FAM135B: variants seen among roughly 807,000 people sequenced by gnomAD.
The protein encoded by FAM135B is family with sequence similarity 135 member B, also known as protein FAM135B.
Under a neutral mutation model 127.7 loss-of-function variants are expected in FAM135B, and 43 were observed. The ratio of observed to expected loss-of-function variants is 0.34; its 90% CI spans 0.26 to 0.43. The LOEUF is 0.43. FAM135B is among the 20% of genes least tolerant of loss of function. The pLI, the probability that FAM135B is intolerant of heterozygous loss-of-function variation, is 1.00. For synonymous variants in FAM135B, 670 were observed against 665.1 expected, an observed-to-expected ratio of 1.01 and a Z score of -0.11; for missense variants, 1,558 against 1,725.6, an observed-to-expected ratio of 0.90 and a Z score of 1.72.
intron 2 of FAM135B, among the ~76,000 whole-genome samples, chr8:138,356,190 C>T (rs1358086637): frequency 6.6e-6 from 1 of 151,998 alleles, no homozygotes; most frequent in South Asian, 2.1e-4. Flanking sequence ...TACCCAGTTT[C>T]AGGCATTTTG....
At chr8:138,239,512 T>C (rs2130325546) in intron 7 of FAM135B, among the ~76,000 whole-genome samples, 1 of 152,342 alleles carries the variant, frequency 6.6e-6, no homozygotes, top group East Asian at 1.9e-4. Flanking sequence ...AGGTTGCCTG[T>C]TCACTCTGAT....
At chr8:138,369,722 A>G (rs908951882) in intron 1 of FAM135B, among the ~76,000 whole-genome samples, 3 of 152,130 alleles carry the variant, frequency 2.0e-5, no homozygotes, top group African/African-American at 4.8e-5. Flanking sequence ...GTCATTTCCA[A>G]TCAAAGCCGG....
intron 3 of FAM135B, among the ~76,000 whole-genome samples, chr8:138,286,458 C>T (rs1192746871): frequency 6.6e-6 from 1 of 152,230 alleles, no homozygotes; most frequent in African/African-American, 2.4e-5. Flanking sequence ...AAAGAAGTAT[C>T]GCCTCCTTTT....
At chr8:138,382,058 T>C (rs564437880) in intron 1 of FAM135B, among the ~76,000 whole-genome samples, 2 of 152,162 alleles carry the variant, frequency 1.3e-5, no homozygotes, top group African/African-American at 4.8e-5. Context: ...GGGATCCAAT[T>C]TTGTTTAGCA....
chr8:138,238,600 T>C (rs1021922245), intron 7 of FAM135B, among the ~76,000 whole-genome samples: 15 of 152,214 alleles, frequency 9.9e-5, no homozygotes, highest in Non-Finnish European at 5.9e-5. Flanking sequence ...CGTATTGCTA[T>C]GAAAGTCCAG....
At chr8:138,459,392 G>T (rs1477555738) in intron 1 of FAM135B, 1 of 152,108 alleles carries the variant, frequency 6.6e-6, no homozygotes, top group Non-Finnish European at 1.5e-5. Flanking sequence ...AGGGCTGCAG[G>T]ATCCTCAACT....
At chr8:138,421,070 G>A (rs1380286704) in intron 1 of FAM135B, among the ~76,000 whole-genome samples, 1 of 152,230 alleles carries the variant, frequency 6.6e-6, no homozygotes, top group Non-Finnish European at 1.5e-5. Context: ...CCAGCACTTT[G>A]GGAGGCAGAG....
At chr8:138,454,653 C>T (rs1422192863) in intron 1 of FAM135B, among the ~76,000 whole-genome samples, 3 of 152,172 alleles carry the variant, frequency 2.0e-5, no homozygotes, top group African/African-American at 7.2e-5. Flanking sequence ...ATGAGGCAGG[C>T]AGGATTCTGT....
At chr8:138,285,363 T>C (rs1586967267) in intron 3 of FAM135B, among the ~76,000 whole-genome samples, 1 of 151,998 alleles carries the variant, frequency 6.6e-6, no homozygotes, top group Non-Finnish European at 1.5e-5. Flanking sequence ...GCCAGGCTGG[T>C]CTTGAACTCT....
intron 12 of FAM135B, among the ~76,000 whole-genome samples, chr8:138,163,620 G>A (rs533669429): frequency 6.6e-6 from 1 of 152,256 alleles, no homozygotes; most frequent in Non-Finnish European, 1.5e-5. Context: ...CTCTTTGCCT[G>A]CTGCCATGTA....
chr8:138,421,354 A>G (rs1332221299), intron 1 of FAM135B, among the ~76,000 whole-genome samples: 1 of 152,104 alleles, frequency 6.6e-6, no homozygotes, highest in African/African-American at 2.4e-5. Flanking sequence ...AAGACAAACT[A>G]TCTGTTTTCA....
chr8:138,180,293 G>C (rs1429395734), intron 9 of FAM135B, among the ~76,000 whole-genome samples: 1 of 152,154 alleles, frequency 6.6e-6, no homozygotes, highest in Admixed American at 6.5e-5. Flanking sequence ...GAACAAGAGA[G>C]GGTCTCTGTC....
chr8:138,484,997 C>G (rs559686432), intron 1 of FAM135B, among the ~76,000 whole-genome samples: 1 of 152,302 alleles, frequency 6.6e-6, no homozygotes, highest in East Asian at 1.9e-4. Context: ...ACCAAAGCCA[C>G]CAATTCAGTT....
intron 2 of FAM135B, among the ~76,000 whole-genome samples, chr8:138,338,578 T>C (rs1187988469): frequency 6.6e-6 from 1 of 151,396 alleles, no homozygotes; most frequent in Non-Finnish European, 1.5e-5. Flanking sequence ...TCACACCAGT[T>C]AGAATGGCGA....
At chr8:138,406,136 T>A (rs1369668302) in intron 1 of FAM135B, among the ~76,000 whole-genome samples, 2 of 150,518 alleles carry the variant, frequency 1.3e-5, no homozygotes, top group Non-Finnish European at 2.9e-5. Context: ...GATGAGTAGG[T>A]TGCGAAAATT....
intron 1 of FAM135B, among the ~76,000 whole-genome samples, chr8:138,469,008 C>T (rs532021352): frequency 4.0e-4 from 60 of 151,462 alleles, no homozygotes; most frequent in South Asian, 1.3e-3. Flanking sequence ...ACAGCCAGTG[C>T]GCTCCAGCCT....
intron 10 of FAM135B, among the ~76,000 whole-genome samples, chr8:138,177,690 C>G (rs977586572): frequency 6.6e-6 from 1 of 152,138 alleles, no homozygotes; most frequent in African/African-American, 2.4e-5. Flanking sequence ...TTGTGTTTAA[C>G]TTGAGGTCTT....
chr8:138,333,146 C>A (rs996990854), intron 2 of FAM135B, among the ~76,000 whole-genome samples: 5 of 152,156 alleles, frequency 3.3e-5, no homozygotes, highest in Admixed American at 3.3e-4. Flanking sequence ...AGTCAGGAAC[C>A]TTCTGTGCTG....
At chr8:138,266,958 C>T (rs1383528074) in intron 3 of FAM135B, among the ~76,000 whole-genome samples, 1 of 152,120 alleles carries the variant, frequency 6.6e-6, no homozygotes, top group Non-Finnish European at 1.5e-5. Flanking sequence ...ATTGTGGTTA[C>T]TTTCCTTAAT....
Sources: gnomAD v4.1 joint callset for allele counts (sites outside exome capture counted in the v4.1 genomes callset) on GRCh38, gnomAD v4.1.1 for gene constraint, MANE v1.5 for transcripts, NCBI Gene and HGNC (gene_info 2026-07-23, HGNC 2026-07-21) for gene names.